PBX3: variants seen among roughly 807,000 people sequenced by gnomAD.
PBX3 encodes PBX homeobox 3, also known as pre-B-cell leukemia transcription factor 3.
In PBX3, 14 loss-of-function variants were observed where a neutral mutation model predicts 48.5. The ratio of observed to expected loss-of-function variants is 0.29; its 90% confidence interval spans 0.19 to 0.45. PBX3 has a LOEUF of 0.45. Among genes scored for constraint, PBX3 ranks in the 20% least tolerant of loss-of-function variants. The pLI is 1.00. For synonymous variants in PBX3, 210 were observed against 200.3 expected, an observed-to-expected ratio of 1.05 and a Z score of -0.41; for missense variants, 386 against 546.7, an observed-to-expected ratio of 0.71 and a Z score of 2.93.
intron 2 of PBX3, among the ~76,000 whole-genome samples, chr9:125,791,732 G>C (rs915024175): frequency 6.6e-6 from 1 of 152,062 alleles, no homozygotes; most frequent in South Asian, 2.1e-4. Flanking sequence ...TCAGGAGTTC[G>C]AGACTATCCT....
intron 5 of PBX3, among the ~76,000 whole-genome samples, chr9:125,955,072 G>C (rs987083643): frequency 1.3e-5 from 2 of 152,262 alleles, no homozygotes; most frequent in South Asian, 4.1e-4. Flanking sequence ...AATTAATTTA[G>C]GGGGAATTTT....
intron 2 of PBX3, among the ~76,000 whole-genome samples, chr9:125,812,888 A>G (rs150620555): frequency 9.2e-5 from 14 of 152,312 alleles, no homozygotes; most frequent in Admixed American, 9.2e-4. Flanking sequence ...AATATGGTGT[A>G]AGAGATAAAA....
chr9:125,836,522 G>A (rs948678758), intron 2 of PBX3, among the ~76,000 whole-genome samples: 2 of 152,266 alleles, frequency 1.3e-5, no homozygotes, highest in Middle Eastern at 6.8e-3. Context: ...AGTCAGGGAA[G>A]GGGTGCTAAA....
At chr9:125,949,176 T>A (rs10760405) in intron 5 of PBX3, among the ~76,000 whole-genome samples, 1 of 152,048 alleles carries the variant, frequency 6.6e-6, no homozygotes, top group Admixed American at 6.5e-5. Flanking sequence ...GCACTATTTA[T>A]TAACAGTGTG....
intron 2 of PBX3, among the ~76,000 whole-genome samples, chr9:125,872,023 A>C (rs1182015258): frequency 1.3e-5 from 2 of 152,198 alleles, no homozygotes; most frequent in African/African-American, 4.8e-5. Flanking sequence ...TGAAATACTG[A>C]TATTGAAGAA....
chr9:125,799,085 T>C (rs1837865670), intron 2 of PBX3, among the ~76,000 whole-genome samples: 2 of 152,222 alleles, frequency 1.3e-5, no homozygotes, highest in African/African-American at 4.8e-5. Flanking sequence ...CATAAAACTT[T>C]ATTACATCTC....
intron 2 of PBX3, among the ~76,000 whole-genome samples, chr9:125,804,051 T>G (rs1431170217): frequency 6.6e-6 from 1 of 152,208 alleles, no homozygotes; most frequent in Non-Finnish European, 1.5e-5. Flanking sequence ...TTATAGCTTC[T>G]TCATCTCTTG....
intron 2 of PBX3, among the ~76,000 whole-genome samples, chr9:125,862,770 G>A (rs1299632330): frequency 6.6e-6 from 1 of 152,196 alleles, no homozygotes; most frequent in African/African-American, 2.4e-5. Flanking sequence ...CATGGACATT[G>A]AGAACTCTGA....
intron 8 of PBX3, among the ~76,000 whole-genome samples, chr9:125,964,923 G>T (rs1006756256): frequency 6.6e-6 from 1 of 152,188 alleles, no homozygotes; most frequent in Non-Finnish European, 1.5e-5. Context: ...GGGTCTGGGG[G>T]CAGCATGGCG....
At chr9:125,749,203 G>A (rs1836297022) in intron 2 of PBX3, 1 of 152,508 alleles carries the variant, frequency 6.6e-6, no homozygotes, top group Non-Finnish European at 1.5e-5. Context: ...TTTGTATTCT[G>A]AAGTCATTAC....
At chr9:125,776,556 A>G (rs1413475090) in intron 2 of PBX3, among the ~76,000 whole-genome samples, 4 of 151,946 alleles carry the variant, frequency 2.6e-5, no homozygotes, top group Non-Finnish European at 5.9e-5. Flanking sequence ...TCTTTTTTTA[A>G]ATGGGCTTTT....
At chr9:125,749,710 T>C (rs1280460812) in intron 2 of PBX3, among the ~76,000 whole-genome samples, 1 of 152,168 alleles carries the variant, frequency 6.6e-6, no homozygotes, top group African/African-American at 2.4e-5. Context: ...TGTGTTTAAA[T>C]TGAGTGTACA....
At chr9:125,768,877 A>C (rs1836869094) in intron 2 of PBX3, among the ~76,000 whole-genome samples, 1 of 152,184 alleles carries the variant, frequency 6.6e-6, no homozygotes, top group Admixed American at 6.6e-5. Context: ...TTAGCGCCAA[A>C]ACTGTTTATT....
chr9:125,918,108 C>A (rs1037217705), intron 3 of PBX3, among the ~76,000 whole-genome samples: 2 of 152,164 alleles, frequency 1.3e-5, no homozygotes, highest in Admixed American at 1.3e-4. Flanking sequence ...AGTCACCTTG[C>A]ATGGAAAGAG....
At chr9:125,800,313 C>G (rs144375795) in intron 2 of PBX3, among the ~76,000 whole-genome samples, 1 of 152,078 alleles carries the variant, frequency 6.6e-6, no homozygotes, top group Non-Finnish European at 1.5e-5. Context: ...TCAAATTGCT[C>G]ATGGAATGAA....
At chr9:125,885,424 G>A (rs976471459) in intron 2 of PBX3, among the ~76,000 whole-genome samples, 4 of 152,080 alleles carry the variant, frequency 2.6e-5, no homozygotes, top group Non-Finnish European at 5.9e-5. Context: ...TACATATATA[G>A]ATTATTCCCG....
At chr9:125,935,750 T>G (rs1200219203) in intron 5 of PBX3, 143 bp downstream of exon 5, 4 of 894,948 alleles carry the variant, frequency 4.5e-6, no homozygotes, top group Non-Finnish European at 6.5e-6. Flanking sequence ...TTCCACAGTT[T>G]TAGGCAAGAT....
rs147212782 is a variant in PBX3 at position 125,850,635 on chromosome 9, G to A, written c.275-65051G>A. Among the ~76,000 whole-genome samples, 466 of 152,040 alleles carry A rather than the reference G, an allele frequency of 3.1e-3. 2 individuals are homozygous for A. The highest frequency in any genetic ancestry group is 9.8e-3 in the African/African-American group (406 of 41,500). On this transcript the variant is annotated intron_variant, in intron 2 of 8. Transcript: ENST00000373489. ...AGAAATTAGAAATTTTAAAGATTTA[G>A]TAAGAATAAAGTCAGTATTGTACTG...
intron 5 of PBX3, among the ~76,000 whole-genome samples, chr9:125,948,028 C>T (rs1411874545): frequency 6.6e-6 from 1 of 152,152 alleles, no homozygotes; most frequent in African/African-American, 2.4e-5. Flanking sequence ...TAGAACAGTG[C>T]TTCTTAAACT....
Sources: allele counts gnomAD v4.1 joint callset (sites outside exome capture counted in the v4.1 genomes callset), GRCh38; gene constraint gnomAD v4.1.1; transcripts MANE v1.5; gene names NCBI Gene and HGNC (gene_info 2026-07-23, HGNC 2026-07-21).